GRM8: variants seen among roughly 807,000 people sequenced by gnomAD.
The protein encoded by GRM8 is glutamate metabotropic receptor 8.
In GRM8, 47 loss-of-function variants were observed where a neutral mutation model predicts 87.2. The observed-to-expected ratio is 0.54, with a 90% confidence interval of 0.43 to 0.69. The LOEUF (loss-of-function observed/expected upper bound fraction) is 0.69. GRM8 is among the 30% of genes least tolerant of loss of function. The pLI, the probability that GRM8 is intolerant of heterozygous loss-of-function variation, is 0.00. For synonymous variants in GRM8, 396 were observed against 404.5 expected (o/e 0.98, Z 0.25); for missense variants, 1,019 against 1,139.2 (o/e 0.89, Z 1.52).
intron 3 of GRM8, among the ~76,000 whole-genome samples, chr7:126,996,749 G>A (rs1017606885): frequency 6.6e-6 from 1 of 151,922 alleles, no homozygotes; most frequent in Non-Finnish European, 1.5e-5. Flanking sequence ...TATAACAATT[G>A]TAAATAGATA....
intron 2 of GRM8, among the ~76,000 whole-genome samples, chr7:127,208,661 C>G (rs187277195): frequency 1.8e-4 from 28 of 152,296 alleles, no homozygotes; most frequent in African/African-American, 4.8e-4. Flanking sequence ...CCATACATGT[C>G]ATTAGAAAGC....
intron 2 of GRM8, among the ~76,000 whole-genome samples, chr7:127,124,189 T>TACC (rs1827237702): frequency 6.6e-6 from 1 of 152,132 alleles, no homozygotes; most frequent in Non-Finnish European, 1.5e-5. Context: ...CAACCAAACT[T>TACC]TAAAATTTCA....
chr7:126,589,538 A>C (rs1733879201), intron 8 of GRM8, among the ~76,000 whole-genome samples: 1 of 152,060 alleles, frequency 6.6e-6, no homozygotes, highest in South Asian at 2.1e-4. Flanking sequence ...TTCTCTACCC[A>C]CCCTGGTAGC....
intron 8 of GRM8, among the ~76,000 whole-genome samples, chr7:126,605,625 C>A (rs1301241122): frequency 2.0e-5 from 3 of 152,084 alleles, no homozygotes; most frequent in Non-Finnish European, 4.4e-5. Flanking sequence ...TGAATTCAGC[C>A]AGAAAAACTG....
At chr7:127,085,059 C>T (rs1475201773) in intron 3 of GRM8, among the ~76,000 whole-genome samples, 2 of 152,166 alleles carry the variant, frequency 1.3e-5, no homozygotes, top group African/African-American at 4.8e-5. Flanking sequence ...TGAGAACATG[C>T]AGTGTTTGGT....
intron 3 of GRM8, among the ~76,000 whole-genome samples, chr7:126,911,853 G>A (rs190220924): frequency 5.8e-4 from 89 of 152,272 alleles, no homozygotes; most frequent in African/African-American, 2.0e-3. Context: ...CAGTTTGACT[G>A]GGCCACATGC....
chr7:126,974,799 G>A (rs1810787034), intron 3 of GRM8, among the ~76,000 whole-genome samples: 1 of 152,190 alleles, frequency 6.6e-6, no homozygotes, highest in South Asian at 2.1e-4. Context: ...GGCCAGTCAT[G>A]GTGGCAGGCA....
intron 7 of GRM8, among the ~76,000 whole-genome samples, chr7:126,665,703 G>A (rs190732061): frequency 4.1e-4 from 63 of 152,042 alleles, no homozygotes; most frequent in African/African-American, 1.1e-3. Context: ...AGCATCATGC[G>A]ATATACCTAA....
chr7:126,952,559 T>C (rs536520382), intron 3 of GRM8, among the ~76,000 whole-genome samples: 16 of 152,082 alleles, frequency 1.1e-4, no homozygotes, highest in African/African-American at 3.6e-4. Context: ...AACTATAAAG[T>C]GGAGAACCCA....
chr7:126,855,798 C>T (rs1012487521), intron 6 of GRM8, among the ~76,000 whole-genome samples: 2 of 152,174 alleles, frequency 1.3e-5, no homozygotes, highest in African/African-American at 4.8e-5. Context: ...TTATATCCCA[C>T]ACTTCCTTCC....
At chr7:126,483,800 T>C in intron 9 of GRM8, among the ~76,000 whole-genome samples, 1 of 130,470 alleles carries the variant, frequency 7.7e-6, no homozygotes, top group East Asian at 2.7e-4. Context: ...TTCCTTCCTT[T>C]GCTGGTCATG....
chr7:126,999,802 T>C (rs1813543186), intron 3 of GRM8, among the ~76,000 whole-genome samples: 1 of 151,870 alleles, frequency 6.6e-6, no homozygotes, highest in South Asian at 2.1e-4. Context: ...TGTGAATTAT[T>C]ACAACTGCTA....
At chr7:126,782,962 A>G (rs1335706386) in intron 6 of GRM8, among the ~76,000 whole-genome samples, 2 of 152,118 alleles carry the variant, frequency 1.3e-5, no homozygotes, top group Non-Finnish European at 2.9e-5. Flanking sequence ...CTTCATAGGG[A>G]CAGGGACCAG....
At chr7:126,557,788 T>A (rs1484947512) in intron 8 of GRM8, among the ~76,000 whole-genome samples, 1 of 152,144 alleles carries the variant, frequency 6.6e-6, no homozygotes. Flanking sequence ...CGTATATATG[T>A]ATGTGTATAT....
At chr7:126,653,821 T>C (rs2299489) in intron 7 of GRM8, among the ~76,000 whole-genome samples, 125,822 of 152,208 alleles carry the variant, frequency 0.83, 52,412 homozygotes, top group East Asian at 0.94. Context: ...ATTTATCATC[T>C]TCAGAAGTAG....
Position 126,516,367 on chromosome 7 carries a change from T to C in GRM8, c.2430+16585A>G, listed in dbSNP as rs550545800. 2.6e-5 allele frequency among the ~76,000 whole-genome samples: 4 copies of C among 152,218 alleles called. No individual in the cohort carries two copies. In the East Asian group the frequency reaches 7.7e-4, roughly 29 times the overall value. ...CCTGAACATTGTTCCTCTGTAGAACTGAAAAAGAATTTGTGGGATCATCTG... is the reference window on the plus strand; with the variant it reads ...CCTGAACATTGTTCCTCTGTAGAACCGAAAAAGAATTTGTGGGATCATCTG... On this transcript the variant is annotated intron_variant, in intron 9 of 10. Coordinates refer to ENST00000339582, the MANE Select transcript of GRM8 (RefSeq NM_000845.3).
intron 2 of GRM8, among the ~76,000 whole-genome samples, chr7:127,181,082 T>C (rs1483249668): frequency 6.6e-6 from 1 of 152,066 alleles, no homozygotes; most frequent in African/African-American, 2.4e-5. Context: ...TATGATCATT[T>C]ACCTTGAAAA....
chr7:126,950,014 C>G (rs1457720646), intron 3 of GRM8, among the ~76,000 whole-genome samples: 1 of 152,196 alleles, frequency 6.6e-6, no homozygotes, highest in Non-Finnish European at 1.5e-5. Context: ...TGCAGTACCA[C>G]TAAAATGAAC....
chr7:126,464,291 A>C (rs10954114), intron 9 of GRM8, among the ~76,000 whole-genome samples: 7 of 151,400 alleles, frequency 4.6e-5, no homozygotes, highest in Non-Finnish European at 8.9e-5. Context: ...TTTGGTTCCA[A>C]TTTGCATGGA....
Sources: allele counts gnomAD v4.1 joint callset (sites outside exome capture counted in the v4.1 genomes callset), GRCh38; gene constraint gnomAD v4.1.1; transcripts MANE v1.5; gene names NCBI Gene and HGNC (gene_info 2026-07-23, HGNC 2026-07-21).